The following ZNHIT6 variants were observed in gnomAD, a reference collection of about 807,000 sequenced individuals.
ZNHIT6 encodes zinc finger HIT-type containing 6, also known as box C/D snoRNA protein 1.
In ZNHIT6, 45 loss-of-function variants were observed where a neutral mutation model predicts 57.2. The observed-to-expected ratio is 0.79, with a 90% confidence interval of 0.62 to 1.01. The LOEUF (loss-of-function observed/expected upper bound fraction) is 1.01, where lower values mean the gene tolerates loss of function less well. Ranked by LOEUF, ZNHIT6 falls within the 50% of genes least tolerant of loss-of-function variation. The pLI, the probability that ZNHIT6 is intolerant of heterozygous loss-of-function variation, is 0.00. For synonymous variants in ZNHIT6, 188 were observed against 190.0 expected (o/e 0.99, Z 0.09); for missense variants, 528 against 567.3 (o/e 0.93, Z 0.70).
intron 5 of ZNHIT6, among the ~76,000 whole-genome samples, chr1:85,693,487 G>A (rs181812557): frequency 6.6e-4 from 101 of 152,222 alleles, no homozygotes; most frequent in Non-Finnish European, 1.2e-3. Flanking sequence ...AAGTGACTTG[G>A]ACAATATAGC....
chr1:85,659,966 C>G (rs1361155892), intron 8 of ZNHIT6, among the ~76,000 whole-genome samples: 2 of 152,306 alleles, frequency 1.3e-5, no homozygotes, highest in East Asian at 3.9e-4. Flanking sequence ...TTAGTGCCCA[C>G]AGATCATAGA....
chr1:85,667,049 T>C (rs1661389072), intron 8 of ZNHIT6, among the ~76,000 whole-genome samples: 1 of 152,134 alleles, frequency 6.6e-6, no homozygotes, highest in Non-Finnish European at 1.5e-5. Flanking sequence ...AGAACTGTGG[T>C]TGGGTTTCAC....
intron 8 of ZNHIT6, among the ~76,000 whole-genome samples, chr1:85,675,932 T>C (rs551486546): frequency 1.6e-3 from 237 of 152,288 alleles, no homozygotes; most frequent in Non-Finnish European, 2.7e-3. Context: ...TCAGCCTTCA[T>C]AGAGTTGAGA....
intron 8 of ZNHIT6, among the ~76,000 whole-genome samples, chr1:85,668,185 T>G (rs1661441286): frequency 6.6e-6 from 1 of 151,538 alleles, no homozygotes; most frequent in Non-Finnish European, 1.5e-5. Flanking sequence ...ATTTTAACTA[T>G]TATTAACATC....
intron 4 of ZNHIT6, among the ~76,000 whole-genome samples, chr1:85,705,248 C>T (rs1434680684): frequency 6.6e-6 from 1 of 152,116 alleles, no homozygotes; most frequent in Non-Finnish European, 1.5e-5. Context: ...GAGTCTCACT[C>T]TGTTGCCCAG....
intron 8 of ZNHIT6, among the ~76,000 whole-genome samples, chr1:85,665,548 G>A (rs1211334950): frequency 1.3e-5 from 2 of 152,000 alleles, no homozygotes; most frequent in Non-Finnish European, 2.9e-5. Context: ...CACTTAAAAT[G>A]TACCCTCTTA....
chr1:85,654,746 G>T (rs1236018368), intron 9 of ZNHIT6, among the ~76,000 whole-genome samples: 2 of 152,106 alleles, frequency 1.3e-5, no homozygotes, highest in Admixed American at 6.6e-5. Context: ...CCCTAAATCT[G>T]CAAAATGGGA....
chr1:85,697,133 G>A (rs1018325520), intron 5 of ZNHIT6, among the ~76,000 whole-genome samples: 1 of 151,974 alleles, frequency 6.6e-6, no homozygotes, highest in Non-Finnish European at 1.5e-5. Flanking sequence ...GCCTCCCAGA[G>A]TGCTGGGATT....
At chr1:85,667,470 G>T (rs1020930713) in intron 8 of ZNHIT6, among the ~76,000 whole-genome samples, 3 of 151,922 alleles carry the variant, frequency 2.0e-5, no homozygotes, top group African/African-American at 7.3e-5. Flanking sequence ...TGATACTTTT[G>T]TACATTCTTA....
At chr1:85,683,938 T>C (rs1368675224) in intron 5 of ZNHIT6, among the ~76,000 whole-genome samples, 2 of 152,164 alleles carry the variant, frequency 1.3e-5, no homozygotes, top group Non-Finnish European at 2.9e-5. Flanking sequence ...ATACACCCAG[T>C]TGTGGCCACC....
chr1:85,692,667 A>G (rs1662252797), intron 5 of ZNHIT6, among the ~76,000 whole-genome samples: 2 of 151,964 alleles, frequency 1.3e-5, no homozygotes, highest in Non-Finnish European at 2.9e-5. Context: ...TCTAAAGCCA[A>G]TTTGCAGCAA....
At chr1:85,703,781 T>C (rs542840417) in intron 4 of ZNHIT6, among the ~76,000 whole-genome samples, 32 of 152,214 alleles carry the variant, frequency 2.1e-4, no homozygotes, top group Non-Finnish European at 4.0e-4. Context: ...AATGATAAAT[T>C]TGACTACATT....
rs763990335 is a variant in ZNHIT6 at position 85,706,433 on chromosome 1, C to G, written c.722+9G>C. 1.1e-5 allele frequency: 18 copies of G among 1,612,744 alleles called. No homozygotes were observed. Among genetic ancestry groups the G allele is most frequent in the Admixed American group, 6.7e-5 (4 of 59,496 alleles). On this transcript the variant is annotated intron_variant, in intron 2 of 9. Transcript: ENST00000370574. ...ATACAGGTTAAAAGGTAGGAAGTTA[C>G]ATGTATACCTGCAGGAATATCGCAT... is the stretch of plus-strand genomic sequence containing the variant.
chr1:85,694,484 C>T (rs555418742), intron 5 of ZNHIT6, among the ~76,000 whole-genome samples: 8 of 146,842 alleles, frequency 5.4e-5, no homozygotes, highest in East Asian at 2.0e-4. Context: ...TTTTTTGAGA[C>T]GGAGTCTCGC....
rs1266652719 is a variant in ZNHIT6 at position 85,677,869 on chromosome 1, C to T, written c.1170-556G>A. ...AAGTACCATCTGGTGAAAATAAAGT[C>T]AACCGGGTTTCTGCCCAGGAGCACT... On this transcript the variant is annotated intron_variant, in intron 7 of 9. Coordinates refer to ENST00000370574, the MANE Select transcript of ZNHIT6 (RefSeq NM_017953.4). 1.4e-4 allele frequency among the ~76,000 whole-genome samples: 21 copies of T among 152,208 alleles called. 1 individual carries two copies. Among genetic ancestry groups the T allele is most frequent in the Admixed American group, 1.4e-3 (21 of 15,274 alleles).
intron 5 of ZNHIT6, among the ~76,000 whole-genome samples, chr1:85,695,016 C>A (rs970424997): frequency 6.6e-6 from 1 of 152,086 alleles, no homozygotes; most frequent in South Asian, 2.1e-4. Context: ...GTAATCCCAG[C>A]ACTTTGGGAG....
chr1:85,706,477 C>T lies in ZNHIT6; in HGVS notation c.687G>A (p.Lys229=). The T allele has an allele frequency of 4.4e-6, 7 of 1,596,620 alleles. No individual in the cohort carries two copies. Among genetic ancestry groups the T allele is most frequent in the Non-Finnish European group, 6.0e-6 (7 of 1,176,300 alleles). The change falls in exon 2 of 10, where the codon AAG becomes AAA. Residue 229 remains lysine (K), a synonymous_variant. Transcript: ENST00000370574. ...RCETCGTEEA[K]YRCPRCMRYS... is the part of the protein sequence containing the mutation. The stretch of plus-strand genomic sequence containing the variant: ...ATCGCATACAACGTGGACATCTGTA[C>T]TTTGCTTCTTCTGTACCACAAGTCT...
At chr1:85,680,540 T>C (rs112384472) in intron 6 of ZNHIT6, among the ~76,000 whole-genome samples, 9 of 152,372 alleles carry the variant, frequency 5.9e-5, no homozygotes, top group African/African-American at 2.2e-4. Flanking sequence ...GTTAGTTCTA[T>C]CACCTTTGTA....
intron 8 of ZNHIT6, among the ~76,000 whole-genome samples, chr1:85,670,699 T>C (rs1661533909): frequency 6.6e-6 from 1 of 152,094 alleles, no homozygotes; most frequent in Non-Finnish European, 1.5e-5. Flanking sequence ...TATATCCAGT[T>C]TGGGGGAAGG....
Sources: gnomAD v4.1 joint callset for allele counts (sites outside exome capture counted in the v4.1 genomes callset) on GRCh38, gnomAD v4.1.1 for gene constraint, MANE v1.5 for transcripts, NCBI Gene and HGNC (gene_info 2026-07-23, HGNC 2026-07-21) for gene names.